The following WDFY4 variants were observed in gnomAD, a reference collection of about 807,000 sequenced individuals.
The protein encoded by WDFY4 is WDFY family member 4.
In WDFY4, 169 loss-of-function variants were observed where a neutral mutation model predicts 351.9. The observed-to-expected ratio is 0.48, with a 90% CI of 0.42 to 0.55. WDFY4 has a LOEUF of 0.55. Among genes scored for constraint, WDFY4 ranks in the 20% least tolerant of loss-of-function variants. The probability of loss-of-function intolerance (pLI) is 0.00; values close to 1 mark genes in which losing one functional copy is unlikely to be tolerated. For synonymous variants in WDFY4, 1,622 were observed against 1,574.6 expected, an observed-to-expected ratio of 1.03 and a Z score of -0.71; for missense variants, 3,803 against 3,935.6, an observed-to-expected ratio of 0.97 and a Z score of 0.90.
At chr10:48,838,963 G>T (rs2068503308) in intron 39 of WDFY4, among the ~76,000 whole-genome samples, 1 of 152,154 alleles carries the variant, frequency 6.6e-6, no homozygotes, top group Admixed American at 6.5e-5. Context: ...TGAGGCTGAG[G>T]GCACGTTGAG....
At chr10:48,704,011 G>A (rs567616312) in intron 1 of WDFY4, among the ~76,000 whole-genome samples, 27 of 152,050 alleles carry the variant, frequency 1.8e-4, no homozygotes, top group Admixed American at 1.2e-3. Flanking sequence ...CTGCAGGCTC[G>A]CCATCTGGTT....
chr10:48,899,672 G>A (rs1165427541), intron 45 of WDFY4, among the ~76,000 whole-genome samples: 2 of 151,352 alleles, frequency 1.3e-5, no homozygotes, highest in Non-Finnish European at 2.9e-5. Flanking sequence ...ACAAGGGTGG[G>A]AGAAAAAAAA....
chr10:48,795,938 C>T (rs1467978199), intron 23 of WDFY4, among the ~76,000 whole-genome samples: 1 of 152,070 alleles, frequency 6.6e-6, no homozygotes, highest in Admixed American at 6.5e-5. Flanking sequence ...TGCAGCCAGG[C>T]TCATGGGCAG....
chr10:48,836,967 C>T (rs936455273), intron 39 of WDFY4, among the ~76,000 whole-genome samples: 3 of 152,106 alleles, frequency 2.0e-5, no homozygotes, highest in African/African-American at 7.2e-5. Context: ...GCTGAAAAGA[C>T]ATCAACAAGC....
intron 57 of WDFY4, among the ~76,000 whole-genome samples, chr10:48,973,756 C>A (rs1355244247): frequency 6.6e-6 from 1 of 152,170 alleles, no homozygotes; most frequent in African/African-American, 2.4e-5. Context: ...GCCACTTTGG[C>A]CCCTTGGGGA....
intron 47 of WDFY4, chr10:48,913,652 C>A: frequency 6.2e-7 from 1 of 1,613,796 alleles, no homozygotes; most frequent in African/African-American, 1.3e-5. Flanking sequence ...GCTTTTTCAG[C>A]TTGGGGAGCT....
rs76169690 is a variant in WDFY4, at chr10:48,898,471, G to A, written c.7437+897G>A. Among the ~76,000 whole-genome samples the A allele has an allele frequency of 4.3e-3, 649 of 152,298 alleles. 4 individuals carry two copies. The highest frequency in any genetic ancestry group is 0.014 in the African/African-American group (601 of 41,572). On this transcript the variant is annotated intron_variant, in intron 45 of 61. Transcript: ENST00000325239. Reference sequence around the variant, plus strand: ...CAGGATCACTTAGTTCCAAAGGCCAGCAAGAGAGCAGTGCTTGGCCTAGAT... The same window carrying A: ...CAGGATCACTTAGTTCCAAAGGCCAACAAGAGAGCAGTGCTTGGCCTAGAT...
At position 48,982,500 on chromosome 10, in the gene WDFY4, C is replaced by G; in HGVS notation, c.9489-9C>G. Reference sequence around the variant, plus strand: ...TCTAACGTTCTTGTCTTTTCTTTCTCTTCCCAAGAAACCACACCAAACTCC... The same window carrying G: ...TCTAACGTTCTTGTCTTTTCTTTCTGTTCCCAAGAAACCACACCAAACTCC... On this transcript the variant is annotated splice_polypyrimidine_tract_variant and intron_variant, in intron 61 of 61. Transcript: ENST00000325239. The G allele has an allele frequency of 1.3e-6, 2 of 1,502,076 alleles. No homozygotes were observed. The highest frequency in any genetic ancestry group is 8.9e-7 in the Non-Finnish European group (1 of 1,121,080). 93.0% of individuals were successfully genotyped at this position (1,502,076 alleles called of 1,614,324 possible).
chr10:48,901,709 C>A, intron 46 of WDFY4, 92 bp from the exon 47 acceptor site: 1 of 1,385,730 alleles, frequency 7.2e-7, no homozygotes, highest in Non-Finnish European at 1.0e-6. Context: ...CAATAATGAG[C>A]CTAGCTTCCT....
At chr10:48,873,799 A>T in intron 41 of WDFY4, 102 bp downstream of exon 41, 1 of 1,304,794 alleles carries the variant, frequency 7.7e-7, no homozygotes, top group South Asian at 1.5e-5. Flanking sequence ...TCAGGCTAAG[A>T]TAACACATGC....
At chr10:48,828,110 A>G (rs2068065784) in intron 36 of WDFY4, among the ~76,000 whole-genome samples, 1 of 152,220 alleles carries the variant, frequency 6.6e-6, no homozygotes, top group Non-Finnish European at 1.5e-5. Flanking sequence ...AGTTCAATCC[A>G]TGAACATTTA....
chr10:48,722,176 G>A lies in WDFY4; in HGVS notation c.456+809G>A, dbSNP rs140324946. Among the ~76,000 whole-genome samples, 136 of 152,346 alleles carry A rather than the reference G, an allele frequency of 8.9e-4. 1 individual carries two copies. In the East Asian group the frequency reaches 9.3e-3, roughly 10 times the overall value. On this transcript the variant is annotated intron_variant, in intron 4 of 61. Coordinates refer to ENST00000325239, the MANE Select transcript of WDFY4 (RefSeq NM_001394531.1). ...CGCAGCCCTTGTCTGGGGCCAGGGGGTGGTACATGACCTGGGAAGTTAACT... is the reference window on the plus strand; with the variant it reads ...CGCAGCCCTTGTCTGGGGCCAGGGGATGGTACATGACCTGGGAAGTTAACT...
At chr10:48,980,426 T>G (rs1842762418) in intron 60 of WDFY4, among the ~76,000 whole-genome samples, 1 of 152,220 alleles carries the variant, frequency 6.6e-6, no homozygotes, top group Admixed American at 6.5e-5. Flanking sequence ...AAAGGAGATC[T>G]TTGAAGATAT....
intron 61 of WDFY4, 38 bp downstream of exon 61, chr10:48,981,516 G>A (rs947350340): frequency 1.3e-6 from 2 of 1,541,868 alleles, no homozygotes; most frequent in African/African-American, 2.7e-5. Context: ...TCCAGCAGAG[G>A]GCACTGCAGC....
intron 39 of WDFY4, among the ~76,000 whole-genome samples, chr10:48,851,531 G>A (rs1489338577): frequency 6.6e-6 from 1 of 152,214 alleles, no homozygotes; most frequent in Admixed American, 6.5e-5. Context: ...CTGACATGTA[G>A]TGCGTGGCTG....
chr10:48,871,811 A>G (rs1288199587), intron 40 of WDFY4, among the ~76,000 whole-genome samples: 2 of 152,198 alleles, frequency 1.3e-5, no homozygotes, highest in Non-Finnish European at 2.9e-5. Flanking sequence ...AGTACTACAT[A>G]AAATGCTAGC....
chr10:48,736,990 A>G (rs1027061879), intron 11 of WDFY4, among the ~76,000 whole-genome samples: 6 of 152,260 alleles, frequency 3.9e-5, no homozygotes, highest in East Asian at 1.9e-4. Context: ...AGTTAAATAC[A>G]TATAACAAAT....
chr10:48,770,490 C>A (rs1037346153), intron 13 of WDFY4, among the ~76,000 whole-genome samples: 2 of 152,186 alleles, frequency 1.3e-5, no homozygotes, highest in South Asian at 4.2e-4. Flanking sequence ...CATCCCAACT[C>A]TCACCCTAAA....
intron 5 of WDFY4, 142 bp downstream of exon 5, chr10:48,723,709 C>A (rs1174606531): frequency 3.4e-6 from 4 of 1,179,308 alleles, no homozygotes; most frequent in Non-Finnish European, 4.7e-6. Flanking sequence ...CTAACCTCCC[C>A]CTCCCCTCCC....
Sources: gnomAD v4.1 joint callset for allele counts (sites outside exome capture counted in the v4.1 genomes callset) on GRCh38, gnomAD v4.1.1 for gene constraint, MANE v1.5 for transcripts, NCBI Gene and HGNC (gene_info 2026-07-23, HGNC 2026-07-21) for gene names.